Variants in SERGEF observed in about 807,000 individuals in gnomAD.
SERGEF encodes secretion regulating guanine nucleotide exchange factor, also known as secretion-regulating guanine nucleotide exchange factor.
Under a neutral mutation model 50.0 loss-of-function variants are expected in SERGEF, and 51 were observed. That is an observed-to-expected ratio of 1.02 (90% CI 0.81 to 1.29). The LOEUF (loss-of-function observed/expected upper bound fraction) is 1.29, where lower values mean the gene tolerates loss of function less well. Ranked by LOEUF, SERGEF falls within the 50% of genes most tolerant of loss-of-function variation. The pLI is 0.00. For missense variants in SERGEF, 521 were observed against 557.0 expected (o/e 0.94, Z 0.65); for synonymous variants, 205 against 212.4 (o/e 0.97, Z 0.30).
intron 8 of SERGEF, among the ~76,000 whole-genome samples, chr11:17,988,356 C>A (rs933410289): frequency 1.3e-5 from 2 of 152,208 alleles, no homozygotes; most frequent in African/African-American, 4.8e-5. Context: ...CTCAAAACCT[C>A]ATGGGCTCTT....
chr11:17,935,657 C>G (rs772848060), intron 9 of SERGEF, among the ~76,000 whole-genome samples: 21 of 152,016 alleles, frequency 1.4e-4, no homozygotes, highest in Non-Finnish European at 2.6e-4. Flanking sequence ...TCTCTATGCC[C>G]AACACAAAAG....
chr11:17,988,035 T>C (rs948105831), intron 8 of SERGEF, among the ~76,000 whole-genome samples: 1 of 152,014 alleles, frequency 6.6e-6, no homozygotes, highest in Non-Finnish European at 1.5e-5. Context: ...AGATGAGAAA[T>C]AAACGAAGAT....
intron 10 of SERGEF, among the ~76,000 whole-genome samples, chr11:17,832,282 T>C (rs1033090764): frequency 1.3e-5 from 2 of 152,152 alleles, no homozygotes; most frequent in Admixed American, 1.3e-4. Flanking sequence ...ATCTGATGGT[T>C]TTAAAAAGAG....
rs115874082 is a variant in SERGEF, at chr11:17,956,151, A to G, written c.1011+3319T>C. Among the ~76,000 whole-genome samples, 881 of 152,114 alleles carry G rather than the reference A, an allele frequency of 5.8e-3. 9 individuals are homozygous for G. Among genetic ancestry groups the G allele is most frequent in the African/African-American group, 0.02 (834 of 41,544 alleles). On this transcript the variant is annotated intron_variant, in intron 9 of 10. Transcript: ENST00000265965. ...GTAAGGACATTAAAGGAAGGCCTAC[A>G]AGGTCTAAAATCTCAAATAAAGTGT... is the stretch of plus-strand genomic sequence containing the variant.
intron 10 of SERGEF, among the ~76,000 whole-genome samples, chr11:17,842,444 A>C (rs1308653026): frequency 6.6e-6 from 1 of 152,216 alleles, no homozygotes; most frequent in Non-Finnish European, 1.5e-5. Flanking sequence ...ACATTTATTG[A>C]GGATTTACTT....
At chr11:17,935,746 C>G (rs1008722184) in intron 9 of SERGEF, among the ~76,000 whole-genome samples, 1 of 152,154 alleles carries the variant, frequency 6.6e-6, no homozygotes, top group Non-Finnish European at 1.5e-5. Context: ...CAGGCAGTGA[C>G]TGAAGAACTG....
intron 9 of SERGEF, among the ~76,000 whole-genome samples, chr11:17,882,352 G>C (rs1415080768): frequency 6.7e-6 from 1 of 150,256 alleles, no homozygotes; most frequent in African/African-American, 2.5e-5. Flanking sequence ...CTGGGAGGTG[G>C]AGGTTGCAGT....
chr11:17,959,298 G>T (rs1298920181), intron 9 of SERGEF, among the ~76,000 whole-genome samples, 172 bp downstream of exon 9: 1 of 152,180 alleles, frequency 6.6e-6, no homozygotes, highest in Admixed American at 6.5e-5. Context: ...ACAGTTATCT[G>T]GGTGACTGAC....
chr11:17,847,536 G>T (rs1590153318), intron 10 of SERGEF, among the ~76,000 whole-genome samples: 1 of 152,198 alleles, frequency 6.6e-6, no homozygotes, highest in Non-Finnish European at 1.5e-5. Flanking sequence ...AAGTATGATT[G>T]TATAGATATT....
chr11:17,796,915 C>G (rs528075882), intron 10 of SERGEF, among the ~76,000 whole-genome samples: 1 of 152,184 alleles, frequency 6.6e-6, no homozygotes, highest in African/African-American at 2.4e-5. Context: ...CCCCTTCACA[C>G]CAAGATCCAC....
At chr11:17,974,369 C>T (rs139332018) in intron 8 of SERGEF, among the ~76,000 whole-genome samples, 317 of 152,336 alleles carry the variant, frequency 2.1e-3, no homozygotes, top group Admixed American at 4.5e-3. Flanking sequence ...ACAGTACTTT[C>T]CTTGGAGAGG....
In SERGEF at chr11:17,940,998, G is replaced by C. The variant is rs1000616985; in HGVS notation, c.1011+18472C>G. On this transcript the variant is annotated intron_variant, in intron 9 of 10. Coordinates refer to ENST00000265965, the MANE Select transcript of SERGEF (RefSeq NM_012139.4). ...CAGAAAAGCTTAAACATACAGAAAA[G>C]CTTAAACATACAGAAAAGCTTAAAT... Among the ~76,000 whole-genome samples the C allele has an allele frequency of 6.6e-5, 10 of 152,202 alleles. No homozygotes were observed. In the East Asian group the frequency reaches 1.9e-3, roughly 29 times the overall value.
In SERGEF at chr11:18,000,031, T is replaced by C. The variant is rs367889368; in HGVS notation, c.508+466A>G. ...TCTACCTGCTAATGTCTTTCCTACATGACTTCTGCCTTATGTTCTCTCCTT... is the reference window on the plus strand; with the variant it reads ...TCTACCTGCTAATGTCTTTCCTACACGACTTCTGCCTTATGTTCTCTCCTT... On this transcript the variant is annotated intron_variant, in intron 5 of 10. Transcript: ENST00000265965. 1.2e-4 allele frequency among the ~76,000 whole-genome samples: 18 copies of C among 152,370 alleles called. No homozygotes were observed. In the East Asian group the frequency reaches 2.9e-3, roughly 24 times the overall value.
intron 9 of SERGEF, among the ~76,000 whole-genome samples, chr11:17,939,859 G>A (rs1025794590): frequency 1.3e-5 from 2 of 152,178 alleles, no homozygotes; most frequent in Non-Finnish European, 2.9e-5. Context: ...AACCTCTTTG[G>A]TAATAGGGTT....
At chr11:17,892,425 A>G (rs1851548883) in intron 9 of SERGEF, among the ~76,000 whole-genome samples, 1 of 152,180 alleles carries the variant, frequency 6.6e-6, no homozygotes, top group Non-Finnish European at 1.5e-5. Flanking sequence ...ATGATGAGAT[A>G]TGTGGAACAG....
At chr11:17,983,285 C>T (rs1278582103) in intron 8 of SERGEF, among the ~76,000 whole-genome samples, 1 of 152,128 alleles carries the variant, frequency 6.6e-6, no homozygotes, top group African/African-American at 2.4e-5. Context: ...CGTCAGCAAC[C>T]AGCACTTGTA....
chr11:17,854,020 C>CAAAAAA, intron 10 of SERGEF: 1 of 54,662 alleles, frequency 1.8e-5, no homozygotes, highest in Non-Finnish European at 3.6e-5. Flanking sequence ...GACACCGTCT[C>CAAAAAA]AAAAAAAAAA....
intron 9 of SERGEF, among the ~76,000 whole-genome samples, chr11:17,947,849 A>G (rs1852693935): frequency 6.6e-6 from 1 of 152,204 alleles, no homozygotes. Flanking sequence ...TGATGCTTAT[A>G]AAGTGCTTAG....
chr11:17,871,460 CAAAAA>C (rs59785475), intron 10 of SERGEF, among the ~76,000 whole-genome samples: 7 of 93,242 alleles, frequency 7.5e-5, no homozygotes, highest in Admixed American at 1.1e-4. Context: ...GACTCCATCT[CAAAAA>C]AAAAAAAAAA....
Sources: gnomAD v4.1 joint callset for allele counts (sites outside exome capture counted in the v4.1 genomes callset) on GRCh38, gnomAD v4.1.1 for gene constraint, MANE v1.5 for transcripts, NCBI Gene and HGNC (gene_info 2026-07-23, HGNC 2026-07-21) for gene names.